FBXO31: variants seen among roughly 807,000 people sequenced by gnomAD.
FBXO31 encodes F-box only protein 31.
A neutral mutation model predicts 54.4 loss-of-function variants in FBXO31; 24 were observed. That is an observed-to-expected ratio of 0.44 (90% CI 0.32 to 0.62). The LOEUF is 0.62. FBXO31 is among the 20% of genes least tolerant of loss of function. The pLI, the probability that FBXO31 is intolerant of heterozygous loss-of-function variation, is 0.05. For missense variants in FBXO31, 665 were observed against 787.1 expected, an observed-to-expected ratio of 0.84 and a Z score of 1.86; for synonymous variants, 388 against 335.6, an observed-to-expected ratio of 1.16 and a Z score of -1.71.
chr16:87,375,610 A>T (rs1906788526), intron 1 of FBXO31, among the ~76,000 whole-genome samples: 1 of 152,206 alleles, frequency 6.6e-6, no homozygotes. Flanking sequence ...ACGGCAAGAG[A>T]GGCAGCCAGC....
intron 1 of FBXO31, among the ~76,000 whole-genome samples, chr16:87,375,167 G>T (rs547373451): frequency 6.6e-6 from 1 of 152,168 alleles, no homozygotes; most frequent in Non-Finnish European, 1.5e-5. Flanking sequence ...TTAGCCGGGC[G>T]TGGTAGCGGG....
At position 87,331,515 on chromosome 16, in the gene FBXO31, G is replaced by A. The variant is rs1904858751; in HGVS notation, c.1398-5C>T. On this transcript the variant is annotated splice_region_variant and splice_polypyrimidine_tract_variant and intron_variant, in intron 8 of 8. Coordinates refer to ENST00000311635, the MANE Select transcript of FBXO31 (RefSeq NM_024735.5). ...ATGAGGCCTGTGCCATAAAAACTGAGCAGAAACAAGAGGGAAACTGTGAGC... is the reference window on the plus strand; with the variant it reads ...ATGAGGCCTGTGCCATAAAAACTGAACAGAAACAAGAGGGAAACTGTGAGC... The A allele has an allele frequency of 5.0e-6, 8 of 1,592,044 alleles. No individual in the cohort carries two copies. The East Asian group carries it at 1.8e-4, about 36-fold the overall frequency.
intron 1 of FBXO31, among the ~76,000 whole-genome samples, chr16:87,363,319 G>A (rs1255561097): frequency 6.6e-6 from 1 of 152,192 alleles, no homozygotes; most frequent in Non-Finnish European, 1.5e-5. Flanking sequence ...AGGAGGCAGA[G>A]GTGGCAGTGA....
At chr16:87,363,974 G>A (rs1295860090) in intron 1 of FBXO31, among the ~76,000 whole-genome samples, 3 of 152,224 alleles carry the variant, frequency 2.0e-5, no homozygotes, top group East Asian at 1.9e-4. Flanking sequence ...AAATGGGAGG[G>A]GGAAGGGGAA....
rs542044452 is a variant in FBXO31 at position 87,368,545 on chromosome 16, G to A, written c.341-8179C>T. On this transcript the variant is annotated intron_variant, in intron 1 of 8. Transcript: ENST00000311635. ...CCAGCACGACCTGTGCTGCCTACCC[G>A]CTTCCAGGCAACAGGTTCAGTGTTG... 1.8e-4 allele frequency among the ~76,000 whole-genome samples: 28 copies of A among 151,692 alleles called. 1 individual carries two copies. The East Asian group carries it at 5.0e-3, about 27-fold the overall frequency.
chr16:87,375,000 T>C (rs752056771), intron 1 of FBXO31, among the ~76,000 whole-genome samples: 34 of 151,996 alleles, frequency 2.2e-4, no homozygotes, highest in Non-Finnish European at 3.8e-4. Context: ...CTGGCCAACA[T>C]AGTGAAACCC....
chr16:87,334,369 C>T, intron 7 of FBXO31, 83 bp from the exon 8 acceptor site: 13 of 1,333,198 alleles, frequency 9.8e-6, no homozygotes, highest in Non-Finnish European at 1.3e-5. Flanking sequence ...AGATCCACCT[C>T]TGGCTGAGCG....
chr16:87,349,670 A>T (rs1007088880), intron 2 of FBXO31, among the ~76,000 whole-genome samples: 2 of 151,990 alleles, frequency 1.3e-5, no homozygotes, highest in African/African-American at 4.8e-5. Context: ...AGACCACGCC[A>T]CTGCACTCCA....
At chr16:87,384,907 G>A (rs914475077), upstream of FBXO31, among the ~76,000 whole-genome samples, 1 of 148,938 alleles carries the variant, frequency 6.7e-6, no homozygotes, top group African/African-American at 2.6e-5. Context: ...GGGCGCGGTG[G>A]CTCACGTCTG....
rs1907158647 is a variant in FBXO31 at position 87,383,141 on chromosome 16, T to A, written c.340+264A>T. Among the ~76,000 whole-genome samples the A allele has an allele frequency of 6.6e-6, 1 of 151,696 alleles. No homozygotes were observed. Among genetic ancestry groups the A allele is most frequent in the Non-Finnish European group, 1.5e-5 (1 of 67,928 alleles). The stretch of plus-strand genomic sequence containing the variant: ...CGTCAGGGCCTCTTCGATGCCTCCC[T>A]GACGCCCTCAACCCCTCCCTACCCC... On this transcript the variant is annotated intron_variant, in intron 1 of 8. Transcript: ENST00000311635. The surrounding 1 kb of genome is among the most constrained non-coding windows in gnomAD (Gnocchi z 4.9).
chr16:87,388,121 T>A (rs1311829781), upstream of FBXO31, among the ~76,000 whole-genome samples: 1 of 152,228 alleles, frequency 6.6e-6, no homozygotes, highest in Non-Finnish European at 1.5e-5. Flanking sequence ...CCGTTCCACC[T>A]GGTGTTACAC....
Position 87,335,526 on chromosome 16 carries a change from C to T in FBXO31, c.843-69G>A. On this transcript the variant is annotated intron_variant, in intron 6 of 8. Coordinates refer to ENST00000311635, the MANE Select transcript of FBXO31 (RefSeq NM_024735.5). This position sits in a 1 kb window ranked among gnomAD's most constrained non-coding sequence, Gnocchi z 5.7. ...GGCAGGACTGAGAACGCCCAAGGTG[C>T]CAGGGATGAGCTTTGCAGGGCGGGG... 6.7e-7 allele frequency: 1 copy of T among 1,483,478 alleles called. No homozygotes were observed. 91.9% of individuals were successfully genotyped at this position (1,483,478 alleles called of 1,614,324 possible).
At chr16:87,332,060 C>G (rs1270963986) in intron 8 of FBXO31, among the ~76,000 whole-genome samples, 1 of 152,218 alleles carries the variant, frequency 6.6e-6, no homozygotes, top group Non-Finnish European at 1.5e-5. Flanking sequence ...GTCTGTCTTG[C>G]AAGCAGCTAA....
At chr16:87,344,893 G>A (rs1241630644) in intron 3 of FBXO31, among the ~76,000 whole-genome samples, 3 of 151,328 alleles carry the variant, frequency 2.0e-5, no homozygotes, top group Non-Finnish European at 2.9e-5. Context: ...CCCCACCTCC[G>A]GCAGCGCCCA....
chr16:87,333,791 C>T, intron 8 of FBXO31, 95 bp downstream of exon 8: 1 of 1,499,870 alleles, frequency 6.7e-7, no homozygotes, highest in Non-Finnish European at 8.9e-7. Flanking sequence ...TGTGAGGTCA[C>T]AGGCCCTCTC....
chr16:87,343,296 C>T (rs996920567), intron 4 of FBXO31, among the ~76,000 whole-genome samples: 3 of 152,350 alleles, frequency 2.0e-5, no homozygotes, highest in African/African-American at 4.8e-5. Context: ...GAACAGAGAG[C>T]GCACTTGATT....
upstream of FBXO31, among the ~76,000 whole-genome samples, chr16:87,387,604 G>A (rs769194311): frequency 5.3e-5 from 8 of 152,116 alleles, no homozygotes; most frequent in Non-Finnish European, 1.0e-4. Flanking sequence ...AGGTCAGATC[G>A]AGACCATCCT....
At chr16:87,360,770 A>G (rs1906096869) in intron 1 of FBXO31, among the ~76,000 whole-genome samples, 1 of 152,222 alleles carries the variant, frequency 6.6e-6, no homozygotes, top group Middle Eastern at 3.2e-3. Flanking sequence ...GCCAGAGGCC[A>G]GTCCACCCCA....
In FBXO31 at chr16:87,382,251, G is replaced by C. The variant is rs1002377402; in HGVS notation, c.340+1154C>G. ...TGTTTACACTACACTGTCTCTAAGA[G>C]AATATATATTGCATTATATCCTTTA... is the stretch of plus-strand genomic sequence containing the variant. On this transcript the variant is annotated intron_variant, in intron 1 of 8. Coordinates refer to ENST00000311635, the MANE Select transcript of FBXO31 (RefSeq NM_024735.5). Among the ~76,000 whole-genome samples the C allele has an allele frequency of 3.2e-4, 48 of 152,168 alleles. 1 individual carries two copies. Among genetic ancestry groups the C allele is most frequent in the African/African-American group, 9.9e-4 (41 of 41,444 alleles).
Sources: allele counts gnomAD v4.1 joint callset (sites outside exome capture counted in the v4.1 genomes callset), GRCh38; gene constraint gnomAD v4.1.1; non-coding constraint Gnocchi (gnomAD v3.1); transcripts MANE v1.5; gene names NCBI Gene and HGNC (gene_info 2026-07-23, HGNC 2026-07-21).